CADM2: variants seen among roughly 807,000 people sequenced by gnomAD.
CADM2 encodes the protein immunoglobulin superfamily member 4D.
CADM2 carries 12 observed loss-of-function variants against 49.8 expected under a neutral mutation model. The ratio of observed to expected loss-of-function variants is 0.24; its 90% CI spans 0.15 to 0.39. The LOEUF (loss-of-function observed/expected upper bound fraction) is 0.39, where lower values mean the gene tolerates loss of function less well. CADM2 is among the 10% of genes least tolerant of loss of function. The probability of loss-of-function intolerance (pLI) is 1.00; values close to 1 mark genes in which losing one functional copy is unlikely to be tolerated. For missense variants in CADM2, 378 were observed against 492.3 expected (o/e 0.77, Z 2.20); for synonymous variants, 214 against 175.4 (o/e 1.22, Z -1.74).
intron 2 of CADM2, among the ~76,000 whole-genome samples, chr3:85,754,771 T>C (rs1577233326): frequency 1.3e-5 from 2 of 152,208 alleles, no homozygotes. Context: ...ATTAACATTG[T>C]CATGACTGTC....
chr3:85,930,581 C>T (rs1720461429), intron 6 of CADM2, among the ~76,000 whole-genome samples: 1 of 152,054 alleles, frequency 6.6e-6, no homozygotes, highest in South Asian at 2.1e-4. Flanking sequence ...ACTCCTTAAC[C>T]ATTCCTACCT....
intron 6 of CADM2, among the ~76,000 whole-genome samples, chr3:85,918,422 T>A (rs1024635982): frequency 1.3e-5 from 2 of 152,216 alleles, no homozygotes; most frequent in Non-Finnish European, 2.9e-5. Context: ...CATGTGGTTT[T>A]TGTCTTTGGT....
chr3:85,533,118 T>G (rs2061353368), intron 1 of CADM2, among the ~76,000 whole-genome samples: 1 of 152,186 alleles, frequency 6.6e-6, no homozygotes, highest in Admixed American at 6.5e-5. Context: ...AGTTTACCTA[T>G]GTAACAAACC....
intron 1 of CADM2, among the ~76,000 whole-genome samples, chr3:85,219,910 T>TA (rs1419517503): frequency 6.6e-6 from 1 of 152,148 alleles, no homozygotes; most frequent in Non-Finnish European, 1.5e-5. Context: ...CATGAAATCT[T>TA]AAATTTATTT....
intron 1 of CADM2, among the ~76,000 whole-genome samples, chr3:85,572,137 A>G (rs910289503): frequency 3.3e-5 from 5 of 152,062 alleles, no homozygotes; most frequent in Non-Finnish European, 4.4e-5. Flanking sequence ...TCTCTACTAA[A>G]AATATAAAAA....
At chr3:85,707,748 T>A (rs967392480) in intron 1 of CADM2, among the ~76,000 whole-genome samples, 2 of 152,178 alleles carry the variant, frequency 1.3e-5, no homozygotes, top group Non-Finnish European at 1.5e-5. Flanking sequence ...TATATCAGTA[T>A]GATTTGCCTT....
chr3:85,395,296 C>CAAAAAAAAAAAAAAAA (rs58315220), intron 1 of CADM2, among the ~76,000 whole-genome samples: 2 of 75,544 alleles, frequency 2.6e-5, no homozygotes, highest in Non-Finnish European at 2.7e-5. Flanking sequence ...AGACTCCATA[C>CAAAAAAAAAAAAAAAA]AAAAAAAAAA....
intron 2 of CADM2, among the ~76,000 whole-genome samples, chr3:85,751,753 C>T (rs1442965720): frequency 6.6e-6 from 1 of 152,160 alleles, no homozygotes; most frequent in Non-Finnish European, 1.5e-5. Context: ...ACAACCAACA[C>T]TTGCAATTAT....
At chr3:85,800,508 T>G (rs1212859196) in intron 2 of CADM2, 1 of 153,422 alleles carries the variant, frequency 6.5e-6, no homozygotes, top group Non-Finnish European at 1.4e-5. Flanking sequence ...TGCCCAGTTT[T>G]GTGCTTGAGA....
At chr3:85,917,473 G>A (rs1577658035) in intron 6 of CADM2, among the ~76,000 whole-genome samples, 1 of 152,122 alleles carries the variant, frequency 6.6e-6, no homozygotes, top group South Asian at 2.1e-4. Flanking sequence ...AGATCAGATA[G>A]TTGTAGATAT....
intron 1 of CADM2, among the ~76,000 whole-genome samples, chr3:85,127,221 A>G (rs1222670795): frequency 6.6e-6 from 1 of 152,248 alleles, no homozygotes; most frequent in Non-Finnish European, 1.5e-5. Context: ...CATATCTACC[A>G]AAATATATTT....
chr3:86,052,675 A>G (rs1737482143), intron 8 of CADM2, among the ~76,000 whole-genome samples: 1 of 152,118 alleles, frequency 6.6e-6, no homozygotes, highest in Admixed American at 6.6e-5. Context: ...ATTAATATTT[A>G]AGTAAATTTC....
intron 8 of CADM2, chr3:86,012,652 C>A: frequency 6.8e-7 from 1 of 1,476,232 alleles, no homozygotes; most frequent in Non-Finnish European, 9.4e-7. Context: ...CGGCCAGATG[C>A]CAGGAGTGGG....
At chr3:85,503,549 T>A (rs953511759) in intron 1 of CADM2, among the ~76,000 whole-genome samples, 2 of 152,318 alleles carry the variant, frequency 1.3e-5, no homozygotes, top group South Asian at 4.1e-4. Flanking sequence ...CTTTGAAGAA[T>A]TGTGTTTCCT....
intron 1 of CADM2, among the ~76,000 whole-genome samples, chr3:85,163,723 T>G (rs992809249): frequency 6.6e-6 from 1 of 152,110 alleles, no homozygotes; most frequent in African/African-American, 2.4e-5. Context: ...TATGGCAATC[T>G]GTATTCACAT....
chr3:85,407,136 A>G (rs1034541975), intron 1 of CADM2, among the ~76,000 whole-genome samples: 4 of 152,206 alleles, frequency 2.6e-5, no homozygotes, highest in Non-Finnish European at 4.4e-5. Context: ...TGGGAAGTCC[A>G]GGCTGCAGTG....
At chr3:85,294,852 G>A (rs1426170784) in intron 1 of CADM2, among the ~76,000 whole-genome samples, 2 of 152,118 alleles carry the variant, frequency 1.3e-5, no homozygotes, top group African/African-American at 2.4e-5. Context: ...AGAATACCTA[G>A]GCATTACCAT....
At chr3:85,878,021 T>C (rs1206574907) in intron 3 of CADM2, among the ~76,000 whole-genome samples, 1 of 152,072 alleles carries the variant, frequency 6.6e-6, no homozygotes, top group African/African-American at 2.4e-5. Context: ...ACATCATAAG[T>C]GTTTGTGAAC....
intron 1 of CADM2, among the ~76,000 whole-genome samples, chr3:85,013,959 ACGCAG>A (rs1369912521): frequency 3.4e-5 from 5 of 145,916 alleles, no homozygotes; most frequent in Admixed American, 2.8e-4. Flanking sequence ...TATTATATAT[ACGCAG>A]TGTAATAATA....
Sources: gnomAD v4.1 joint callset for allele counts (sites outside exome capture counted in the v4.1 genomes callset) on GRCh38, gnomAD v4.1.1 for gene constraint, MANE v1.5 for transcripts, NCBI Gene and HGNC (gene_info 2026-07-23, HGNC 2026-07-21) for gene names.